The following EYS variants were observed in gnomAD, a reference collection of about 807,000 sequenced individuals.
EYS encodes protein eyes shut homolog.
EYS carries 250 observed loss-of-function variants against 282.1 expected under a neutral mutation model. The observed-to-expected ratio is 0.89, with a 90% confidence interval of 0.80 to 0.98. EYS has a LOEUF of 0.98. Among genes scored for constraint, EYS ranks in the 50% least tolerant of loss-of-function variants. The pLI, the probability that EYS is intolerant of heterozygous loss-of-function variation, is 0.00. For missense variants in EYS, 4,016 were observed against 3,709.0 expected (o/e 1.08, Z -2.15); for synonymous variants, 1,355 against 1,282.9 (o/e 1.06, Z -1.20).
chr6:65,405,308 T>C lies in EYS; in HGVS notation c.922A>G (p.Ile308Val), dbSNP rs1431551018. 6.2e-6 allele frequency: 10 copies of C among 1,612,886 alleles called. No homozygotes were observed. Among genetic ancestry groups the C allele is most frequent in the Non-Finnish European group, 6.8e-6 (8 of 1,179,494 alleles). ...CVSLLFWKRG[I>V]CPNSSSAYTY... is the part of the protein sequence containing the mutation. ...TAAGCAGAACTGCTATTTGGGCAAA[T>C]TCCTCTTTTCCAAAAAAGCAGAGAA... Residue 308 changes from isoleucine to valine, a missense_variant, in exon 6 of 43, where the codon ATT (isoleucine) becomes GTT (valine). Physicochemically the swap from Ile to Val is conservative, Grantham distance 29. Transcript: ENST00000503581.
At chr6:64,918,651 G>C (rs1029812146) in intron 15 of EYS, among the ~76,000 whole-genome samples, 2 of 152,166 alleles carry the variant, frequency 1.3e-5, no homozygotes, top group East Asian at 3.9e-4. Context: ...GTAGGACAGA[G>C]AAGATTTGGA....
intron 19 of EYS, among the ~76,000 whole-genome samples, chr6:64,867,353 T>C (rs1306572759): frequency 4.0e-5 from 6 of 151,780 alleles, no homozygotes; most frequent in Non-Finnish European, 8.9e-5. Context: ...TGTCCTGTCT[T>C]CTCAAGTGTA....
In EYS at chr6:64,678,305, C is replaced by T. The variant is rs948528691; in HGVS notation, c.3444-52060G>A. Among the ~76,000 whole-genome samples, 113 of 152,296 alleles carry T rather than the reference C, an allele frequency of 7.4e-4. 2 individuals carry two copies. Among genetic ancestry groups the T allele is most frequent in the Non-Finnish European group, 1.5e-3 (102 of 68,008 alleles). ...AAAATCATTGAGAATACGCCAGGTG[C>T]GGTGGCTCACACCTGTAATCCCAGC... is the stretch of plus-strand genomic sequence containing the variant. On this transcript the variant is annotated intron_variant, in intron 22 of 42. Coordinates refer to ENST00000503581, the MANE Select transcript of EYS (RefSeq NM_001142800.2).
At chr6:65,291,910 C>T (rs1009362098) in intron 12 of EYS, among the ~76,000 whole-genome samples, 5 of 151,492 alleles carry the variant, frequency 3.3e-5, no homozygotes, top group Admixed American at 2.0e-4. Flanking sequence ...TTGAGCTTGA[C>T]GTGATCCTAC....
At chr6:65,552,255 G>A (rs1434949404) in intron 2 of EYS, among the ~76,000 whole-genome samples, 1 of 152,082 alleles carries the variant, frequency 6.6e-6, no homozygotes, top group African/African-American at 2.4e-5. Context: ...CTAGCTTTAT[G>A]TTGTCTTTAA....
intron 2 of EYS, among the ~76,000 whole-genome samples, chr6:65,526,504 C>A (rs964182238): frequency 1.4e-4 from 22 of 152,304 alleles, no homozygotes; most frequent in African/African-American, 5.1e-4. Context: ...ACTGCTCCAA[C>A]CTGTCTTTTT....
intron 12 of EYS, among the ~76,000 whole-genome samples, chr6:65,290,706 G>T (rs1466941077): frequency 2.6e-5 from 4 of 151,286 alleles, no homozygotes; most frequent in Admixed American, 2.0e-4. Context: ...GCATCTAAAA[G>T]ACCAAAATTG....
chr6:64,129,458 C>T (rs1194924133), intron 31 of EYS, among the ~76,000 whole-genome samples: 2 of 152,116 alleles, frequency 1.3e-5, no homozygotes, highest in African/African-American at 2.4e-5. Context: ...ATATCCTTTG[C>T]CCACTTTTTG....
At chr6:64,197,888 AGTTTATATACAT>A (rs1765340165) in intron 31 of EYS, among the ~76,000 whole-genome samples, 1 of 151,824 alleles carries the variant, frequency 6.6e-6, no homozygotes, top group African/African-American at 2.4e-5. Context: ...GGGAAAATTC[AGTTTATATACAT>A]TGACTCTAAT....
chr6:64,674,208 G>T (rs530498166), intron 22 of EYS, among the ~76,000 whole-genome samples: 1 of 152,034 alleles, frequency 6.6e-6, no homozygotes, highest in East Asian at 1.9e-4. Context: ...GCAGAGGAGA[G>T]AAGCAGTACA....
At chr6:64,739,028 G>A (rs58314512) in intron 22 of EYS, among the ~76,000 whole-genome samples, 15,371 of 152,234 alleles carry the variant, frequency 0.1, 1,028 homozygotes, top group East Asian at 0.24. Context: ...GATTACAGGC[G>A]TGAGCCACCA....
intron 26 of EYS, among the ~76,000 whole-genome samples, chr6:64,532,647 T>C (rs1764387768): frequency 6.6e-6 from 1 of 152,128 alleles, no homozygotes; most frequent in South Asian, 2.1e-4. Context: ...AGGTGGAGTT[T>C]GCAGTGAGCT....
At position 63,955,321 on chromosome 6, in the gene EYS, A is replaced by G. The variant is rs963347341; in HGVS notation, c.7055+29062T>C. 2.4e-4 allele frequency among the ~76,000 whole-genome samples: 37 copies of G among 152,076 alleles called. 1 individual carries two copies. The highest frequency in any genetic ancestry group is 1.6e-4 in the Non-Finnish European group (11 of 68,022). ...ACTGCCGGTTTACACTTTTCCTCCA[A>G]ACCACCATAACTGATATCTCCTGGT... On this transcript the variant is annotated intron_variant, in intron 35 of 42. Coordinates refer to ENST00000503581, the MANE Select transcript of EYS (RefSeq NM_001142800.2).
chr6:65,556,147 T>C (rs1352226229), intron 2 of EYS, among the ~76,000 whole-genome samples: 2 of 152,176 alleles, frequency 1.3e-5, no homozygotes, highest in Non-Finnish European at 2.9e-5. Flanking sequence ...TAGGGGGTCA[T>C]TTTCACATTA....
At chr6:64,671,351 T>C (rs1292760999) in intron 22 of EYS, among the ~76,000 whole-genome samples, 1 of 152,094 alleles carries the variant, frequency 6.6e-6, no homozygotes, top group Non-Finnish European at 1.5e-5. Context: ...TGGCATGTTC[T>C]ACCATGTGGG....
chr6:63,745,116 C>G (rs1381680196), intron 41 of EYS: 1 of 334,952 alleles, frequency 3.0e-6, no homozygotes, highest in East Asian at 1.0e-4. Flanking sequence ...GCTTTTTCCT[C>G]GAGCATATTT....
intron 40 of EYS, among the ~76,000 whole-genome samples, chr6:63,765,306 A>G (rs184725074): frequency 6.6e-6 from 1 of 152,104 alleles, no homozygotes. Context: ...TTTTAATAAA[A>G]TGGGACAAGT....
intron 36 of EYS, among the ~76,000 whole-genome samples, chr6:63,836,078 G>A (rs987241306): frequency 6.6e-5 from 10 of 151,872 alleles, no homozygotes; most frequent in Non-Finnish European, 2.9e-5. Context: ...TTATTTCTCT[G>A]GATTATATAC....
chr6:64,075,435 A>T (rs538036578), intron 32 of EYS, among the ~76,000 whole-genome samples: 1 of 151,986 alleles, frequency 6.6e-6, no homozygotes, highest in African/African-American at 2.4e-5. Flanking sequence ...GCCTGTTTTA[A>T]TTTTTTCTAG....
Sources: allele counts gnomAD v4.1 joint callset (sites outside exome capture counted in the v4.1 genomes callset), GRCh38; gene constraint gnomAD v4.1.1; transcripts MANE v1.5; gene names NCBI Gene and HGNC (gene_info 2026-07-23, HGNC 2026-07-21).